Variants in EPS15L1 observed in about 807,000 individuals in gnomAD.
The protein encoded by EPS15L1 is epidermal growth factor receptor substrate 15-like 1.
EPS15L1 carries 43 observed loss-of-function variants against 117.1 expected under a neutral mutation model. The ratio of observed to expected loss-of-function variants is 0.37; its 90% CI spans 0.29 to 0.47. EPS15L1 has a LOEUF of 0.47. Among genes scored for constraint, EPS15L1 ranks in the 20% least tolerant of loss-of-function variants. The pLI is 0.99. For synonymous variants in EPS15L1, 459 were observed against 470.5 expected (o/e 0.98, Z 0.32); for missense variants, 981 against 1,164.0 (o/e 0.84, Z 2.29).
At chr19:16,423,092 T>C (rs2092833868) in intron 9 of EPS15L1, among the ~76,000 whole-genome samples, 1 of 152,160 alleles carries the variant, frequency 6.6e-6, no homozygotes, top group African/African-American at 2.4e-5. Flanking sequence ...TTACTCTTCA[T>C]GAACGAGTCT....
Position 16,404,394 on chromosome 19 carries a change from C to T in EPS15L1, c.1428+194G>A, listed in dbSNP as rs144280225. On this transcript the variant is annotated intron_variant, in intron 14 of 23. Coordinates refer to ENST00000455140, the MANE Select transcript of EPS15L1 (RefSeq NM_001258374.3). This position sits in a 1 kb window ranked among gnomAD's most constrained non-coding sequence, Gnocchi z 4.2. ...GCCATTCACTTATACAACCTGACTTCTAGGAGTACAGGGGGGTGGCCAGGA... is the reference window on the plus strand; with the variant it reads ...GCCATTCACTTATACAACCTGACTTTTAGGAGTACAGGGGGGTGGCCAGGA... Among the ~76,000 whole-genome samples the T allele has an allele frequency of 8.5e-3, 1,290 of 152,272 alleles. 7 individuals are homozygous for T. Among genetic ancestry groups the T allele is most frequent in the Non-Finnish European group, 0.012 (794 of 68,010 alleles).
At chr19:16,368,949 G>A (rs2092180287) in intron 22 of EPS15L1, among the ~76,000 whole-genome samples, 1 of 152,230 alleles carries the variant, frequency 6.6e-6, no homozygotes, top group Admixed American at 6.5e-5. Flanking sequence ...GCTCATCCAA[G>A]GCCACTGACA....
chr19:16,386,331 G>T, intron 19 of EPS15L1, 100 bp from the exon 20 acceptor site: 1 of 908,666 alleles, frequency 1.1e-6, no homozygotes, highest in Non-Finnish European at 1.8e-6. Context: ...AACATCCAGT[G>T]CTGAGCCAGA....
At chr19:16,431,152 T>C (rs1048781687) in intron 7 of EPS15L1, among the ~76,000 whole-genome samples, 2 of 151,596 alleles carry the variant, frequency 1.3e-5, no homozygotes, top group Non-Finnish European at 1.5e-5. Flanking sequence ...GACAGGAGAA[T>C]TGCTCGAACC....
chr19:16,409,475 A>C (rs1011458668), intron 13 of EPS15L1, among the ~76,000 whole-genome samples: 6 of 152,190 alleles, frequency 3.9e-5, no homozygotes, highest in Non-Finnish European at 8.8e-5. Flanking sequence ...AACAGCAGCA[A>C]AAAAAGGATA....
rs971264004 is a variant in EPS15L1, at chr19:16,364,699, G to A, written c.2381-2715C>T. On this transcript the variant is annotated intron_variant, in intron 22 of 23. Coordinates refer to ENST00000455140, the MANE Select transcript of EPS15L1 (RefSeq NM_001258374.3). ...TAAGGGACGGGCAGGCAGCTCTGGC[G>A]GGCGGGGGTCAAGTGAGGCCTGCCC... 3.3e-5 allele frequency among the ~76,000 whole-genome samples: 5 copies of A among 152,184 alleles called. No individual in the cohort carries two copies. In the East Asian group the frequency reaches 5.8e-4, roughly 18 times the overall value.
intron 13 of EPS15L1, among the ~76,000 whole-genome samples, chr19:16,409,654 T>C (rs371425737): frequency 6.6e-6 from 1 of 152,230 alleles, no homozygotes; most frequent in East Asian, 1.9e-4. Flanking sequence ...AATTCAGCTA[T>C]AGGCCAGGCG....
intron 14 of EPS15L1, 61 bp from the exon 15 acceptor site, chr19:16,403,991 G>C (rs1014058675): frequency 1.4e-6 from 2 of 1,453,804 alleles, no homozygotes; most frequent in East Asian, 4.7e-5. Context: ...ATGGGACTCC[G>C]AGAAAGAACT....
chr19:16,370,043 A>G lies in EPS15L1; in HGVS notation c.2380+7079T>C, dbSNP rs1344838581. ...TAGGAAGGCGCCTTGCCCACATGTAACAAGATCCCTGAGAACGCCGTGCAG... is the reference window on the plus strand; with the variant it reads ...TAGGAAGGCGCCTTGCCCACATGTAGCAAGATCCCTGAGAACGCCGTGCAG... On this transcript the variant is annotated intron_variant, in intron 22 of 23. Transcript: ENST00000455140. The surrounding 1 kb of genome is among the most constrained non-coding windows in gnomAD (Gnocchi z 5.2). 1.3e-5 allele frequency among the ~76,000 whole-genome samples: 2 copies of G among 152,264 alleles called. No individual in the cohort carries two copies. Among genetic ancestry groups the G allele is most frequent in the African/African-American group, 2.4e-5 (1 of 41,566 alleles).
chr19:16,452,104 A>G (rs1599673233), intron 1 of EPS15L1, among the ~76,000 whole-genome samples: 1 of 150,726 alleles, frequency 6.6e-6, no homozygotes, highest in South Asian at 2.1e-4. Flanking sequence ...ACGCCACTGC[A>G]CTCCAGCCTG....
intron 6 of EPS15L1, 99 bp from the exon 7 acceptor site, chr19:16,434,589 C>G: frequency 7.9e-7 from 1 of 1,267,344 alleles, no homozygotes; most frequent in Non-Finnish European, 1.1e-6. Flanking sequence ...GGCCACGGAC[C>G]CATCATCACC....
chr19:16,443,830 C>T (rs568893444), intron 1 of EPS15L1, among the ~76,000 whole-genome samples: 11 of 151,844 alleles, frequency 7.2e-5, no homozygotes, highest in East Asian at 1.9e-4. Context: ...TTTGGGAGGC[C>T]GAGGCAGGCA....
intron 1 of EPS15L1, among the ~76,000 whole-genome samples, chr19:16,452,010 G>A (rs2093149232): frequency 6.6e-6 from 1 of 150,690 alleles, no homozygotes; most frequent in Non-Finnish European, 1.5e-5. Context: ...GCGGTGGCGT[G>A]CACCTGTAAT....
intron 23 of EPS15L1, 112 bp downstream of exon 23, chr19:16,361,667 T>G (rs1432621825): frequency 2.1e-6 from 3 of 1,457,616 alleles, no homozygotes; most frequent in Non-Finnish European, 2.7e-6. Flanking sequence ...GAGTGTGAGG[T>G]ACCAAGAGGC....
Position 16,471,674 on chromosome 19 carries a change from G to A in EPS15L1, c.33+239C>T, listed in dbSNP as rs2093347415. Among the ~76,000 whole-genome samples, 1 of 152,030 alleles carries A rather than the reference G, an allele frequency of 6.6e-6. No individual in the cohort carries two copies. The highest frequency in any genetic ancestry group is 2.1e-4 in the South Asian group (1 of 4,832). On this transcript the variant is annotated intron_variant, in intron 1 of 23. Transcript: ENST00000455140. The surrounding 1 kb of genome is among the most constrained non-coding windows in gnomAD (Gnocchi z 4.8). ...GCAGGGTCCGGGCCCTGGGCGGAGA[G>A]GACACGCGCTGCGCACCTCCTCGCC... is the stretch of plus-strand genomic sequence containing the variant.
chr19:16,448,273 G>C (rs2093103999), intron 1 of EPS15L1, among the ~76,000 whole-genome samples: 1 of 152,186 alleles, frequency 6.6e-6, no homozygotes, highest in Admixed American at 6.5e-5. Flanking sequence ...GTTCATGCCT[G>C]TAATCCCAGC....
In EPS15L1 at chr19:16,437,008, A is replaced by G; in HGVS notation, c.310-9T>C. The G allele has an allele frequency of 6.2e-7, 1 of 1,613,336 alleles. No homozygotes were observed. Among genetic ancestry groups the G allele is most frequent in the South Asian group, 1.1e-5 (1 of 91,054 alleles). Reference sequence around the variant, plus strand: ...GGGCTGCTGGTGTCGTGCTGAGAAGAGAGAGAAACATTCCTTTGTGGCTGG... The same window carrying G: ...GGGCTGCTGGTGTCGTGCTGAGAAGGGAGAGAAACATTCCTTTGTGGCTGG... On this transcript the variant is annotated splice_polypyrimidine_tract_variant and intron_variant, in intron 5 of 23. Transcript: ENST00000455140.
chr19:16,437,337 T>C (rs1046237308), intron 5 of EPS15L1, among the ~76,000 whole-genome samples: 5 of 152,190 alleles, frequency 3.3e-5, no homozygotes, highest in South Asian at 2.1e-4. Flanking sequence ...TGATCCATTC[T>C]ACAACATGGA....
chr19:16,433,660 A>G (rs1169986510), intron 7 of EPS15L1, among the ~76,000 whole-genome samples: 1 of 151,714 alleles, frequency 6.6e-6, no homozygotes, highest in Non-Finnish European at 1.5e-5. Flanking sequence ...CCCATCTCTA[A>G]AAACTCAAAA....
Sources: gnomAD v4.1 joint callset for allele counts (sites outside exome capture counted in the v4.1 genomes callset) on GRCh38, gnomAD v4.1.1 for gene constraint, Gnocchi (gnomAD v3.1) non-coding constraint, MANE v1.5 for transcripts, NCBI Gene and HGNC (gene_info 2026-07-23, HGNC 2026-07-21) for gene names.